The following GPR161 variants were observed in gnomAD, a reference collection of about 807,000 sequenced individuals.
GPR161 encodes the protein G-protein coupled receptor RE2.
A neutral mutation model predicts 39.2 loss-of-function variants in GPR161; 25 were observed. The ratio of observed to expected loss-of-function variants is 0.64; its 90% CI spans 0.47 to 0.89. GPR161 has a LOEUF of 0.89. Among genes scored for constraint, GPR161 ranks in the 40% least tolerant of loss-of-function variants. The pLI, the probability that GPR161 is intolerant of heterozygous loss-of-function variation, is 0.00. For missense variants in GPR161, 547 were observed against 677.8 expected (o/e 0.81, Z 2.14); for synonymous variants, 286 against 276.6 (o/e 1.03, Z -0.34).
At chr1:168,097,381 G>T in intron 2 of GPR161, 149 bp from the exon 3 acceptor site, 1 of 736,410 alleles carries the variant, frequency 1.4e-6, no homozygotes, top group Non-Finnish European at 2.2e-6. Context: ...TATATAGACT[G>T]CATCGTGTTC....
intron 1 of GPR161, among the ~76,000 whole-genome samples, chr1:168,125,554 G>A (rs575266847): frequency 5.9e-5 from 9 of 151,806 alleles, no homozygotes; most frequent in African/African-American, 2.2e-4. Context: ...GACCGTAGGT[G>A]TCAGTGCAGA....
Position 168,096,769 on chromosome 1 carries a change from T to A in GPR161, c.838A>T (p.Met280Leu), listed in dbSNP as rs553618172. ...ITILVVLGAF[M>L]VTWGPYMVVI... is the part of the protein sequence containing the mutation. ...ACCATGTAGGGGCCCCAGGTGACCA[T>A]GAAGGCACCGAGGACCACCAGGATG... The change falls in exon 3 of 6, where the codon ATG (methionine) becomes TTG (leucine). Residue 280 changes from methionine to leucine, a missense_variant. Coordinates refer to ENST00000682931, the MANE Select transcript of GPR161 (RefSeq NM_001375883.1). 1.2e-6 allele frequency: 2 copies of A among 1,613,988 alleles called. No individual in the cohort carries two copies. Among genetic ancestry groups the A allele is most frequent in the African/African-American group, 2.7e-5 (2 of 74,990 alleles).
intron 1 of GPR161, among the ~76,000 whole-genome samples, chr1:168,127,460 G>A (rs1033334728): frequency 3.3e-5 from 5 of 151,856 alleles, no homozygotes; most frequent in South Asian, 2.1e-4. Context: ...CTCCAGATTC[G>A]GTGATGCAGT....
rs1196264658 is a variant in GPR161, at chr1:168,119,213, T to C, written c.-44-14319A>G. On this transcript the variant is annotated intron_variant, in intron 1 of 5. Transcript: ENST00000682931. The stretch of plus-strand genomic sequence containing the variant: ...TCTCCATCATATATATATATATGTA[T>C]ACATATATATATACGTATATATATA... Among the ~76,000 whole-genome samples, 90 of 119,424 alleles carry C rather than the reference T, an allele frequency of 7.5e-4. 4 individuals are homozygous for C. In the South Asian group the frequency reaches 0.019, roughly 25 times the overall value. The allele number at this position is 119,424 out of a possible 152,430, so 78.3% of individuals were successfully genotyped here.
rs1028901513 is a variant in GPR161, at chr1:168,083,369, C to G, written c.*2162G>C. 1 of 152,134 alleles carries G rather than the reference C, an allele frequency of 6.6e-6. No individual in the cohort carries two copies. The highest frequency in any genetic ancestry group is 1.5e-5 in the Non-Finnish European group (1 of 68,080). 9.4% of individuals were successfully genotyped at this position (152,134 alleles called of 1,614,324 possible). On this transcript the variant is annotated 3_prime_UTR_variant, in exon 6 of 6. Coordinates refer to ENST00000682931, the MANE Select transcript of GPR161 (RefSeq NM_001375883.1). ...TGGGGGGCTGTCTCAGGATTCTTTC[C>G]CTAGAGCCCAGTCTAGTACAGTCAG...
Position 168,096,572 on chromosome 1 carries a change from A to G in GPR161, c.1035T>C (p.Tyr345=), listed in dbSNP as rs1695562422. The change falls in exon 3 of 6, where the codon TAT becomes TAC. Residue 345 remains tyrosine (Y), a synonymous_variant. Coordinates refer to ENST00000682931, the MANE Select transcript of GPR161 (RefSeq NM_001375883.1). The stretch of plus-strand genomic sequence containing the variant: ...TCTGTCGTTGCACAAATGGTTCCCG[A>G]TAATACCGGTCCCCAAAGCACATGC... ...LLGMCFGDRY[Y]REPFVQRQRT... is the part of the protein sequence containing the mutation. 1 of 1,614,176 alleles carries G rather than the reference A, an allele frequency of 6.2e-7. No individual in the cohort carries two copies. The highest frequency in any genetic ancestry group is 8.5e-7 in the Non-Finnish European group (1 of 1,180,022).
chr1:168,091,332 G>A (rs1456889287), intron 3 of GPR161, among the ~76,000 whole-genome samples: 2 of 152,200 alleles, frequency 1.3e-5, no homozygotes, highest in African/African-American at 4.8e-5. Flanking sequence ...AGCCGCGGCA[G>A]AAGCGACCCA....
intron 1 of GPR161, among the ~76,000 whole-genome samples, chr1:168,135,518 C>T (rs1699289561): frequency 6.6e-6 from 1 of 152,244 alleles, no homozygotes; most frequent in African/African-American, 2.4e-5. Context: ...GTCCCTCCCA[C>T]CTCCTCTTTC....
chr1:168,104,466 G>T lies in GPR161; in HGVS notation c.374+11C>A. 1 of 1,606,564 alleles carries T rather than the reference G, an allele frequency of 6.2e-7. No homozygotes were observed. Among genetic ancestry groups the T allele is most frequent in the Non-Finnish European group, 8.5e-7 (1 of 1,174,030 alleles). On this transcript the variant is annotated intron_variant, in intron 2 of 5. Transcript: ENST00000682931. ...TAATCCCTCAATTCTCTAAGTCTGA[G>T]GCATGCTTACCGGTCGATGGCAATG...
At chr1:168,135,314 A>T (rs567230505) in intron 1 of GPR161, among the ~76,000 whole-genome samples, 1 of 152,320 alleles carries the variant, frequency 6.6e-6, no homozygotes, top group South Asian at 2.1e-4. Flanking sequence ...CACCTATCAA[A>T]TGGGCTAGTA....
chr1:168,130,882 C>G (rs1698935662), intron 1 of GPR161, among the ~76,000 whole-genome samples: 2 of 152,130 alleles, frequency 1.3e-5, no homozygotes, highest in African/African-American at 2.4e-5. Flanking sequence ...CACCACCCAC[C>G]CAATCTCTCA....
At chr1:168,137,605 C>G (rs555619927), upstream of GPR161, 249 of 602,252 alleles carry the variant, frequency 4.1e-4, 3 homozygotes, top group South Asian at 2.0e-3. Flanking sequence ...GCTGTCAGCT[C>G]GGGGGACGGA....
At position 168,096,857 on chromosome 1, in the gene GPR161, G is replaced by A. The variant is rs1168670673; in HGVS notation, c.750C>T (p.Gly250=). The A allele has an allele frequency of 6.2e-7, 1 of 1,614,142 alleles. No homozygotes were observed. Among genetic ancestry groups the A allele is most frequent in the South Asian group, 1.1e-5 (1 of 91,086 alleles). The part of the protein sequence containing the change: ...KNSSTSTSSS[G]SRRNAFQGVV... The stretch of plus-strand genomic sequence containing the variant: ...CACCCTGAAAGGCATTCCTCCTGCT[G>A]CCTGAAGAGGAGGTGGAGGTGCTGG... The change falls in exon 3 of 6, where the codon GGC becomes GGT. Residue 250 remains glycine (G), a synonymous_variant. Coordinates refer to ENST00000682931, the MANE Select transcript of GPR161 (RefSeq NM_001375883.1).
At chr1:168,092,122 C>T (rs1369123176) in intron 3 of GPR161, among the ~76,000 whole-genome samples, 1 of 152,210 alleles carries the variant, frequency 6.6e-6, no homozygotes, top group East Asian at 1.9e-4. Flanking sequence ...TGCAAGGGGA[C>T]TTCCTCTTGA....
intron 4 of GPR161, 29 bp from the exon 5 acceptor site, chr1:168,087,733 T>C: frequency 2.5e-6 from 4 of 1,586,212 alleles, no homozygotes; most frequent in Non-Finnish European, 3.4e-6. Context: ...TGTGCATATG[T>C]AACTACAATC....
chr1:168,125,081 C>T (rs540434440), intron 1 of GPR161, among the ~76,000 whole-genome samples: 36 of 152,338 alleles, frequency 2.4e-4, no homozygotes, highest in African/African-American at 8.7e-4. Flanking sequence ...TTCTCTGTCT[C>T]CTTTTTATAC....
intron 2 of GPR161, among the ~76,000 whole-genome samples, chr1:168,101,606 C>T (rs1307363509): frequency 6.6e-6 from 1 of 152,130 alleles, no homozygotes; most frequent in African/African-American, 2.4e-5. Flanking sequence ...TGACCTTGGG[C>T]AAGTTACTTA....
intron 5 of GPR161, among the ~76,000 whole-genome samples, chr1:168,086,016 G>A (rs1291021295): frequency 2.0e-5 from 3 of 152,290 alleles, no homozygotes; most frequent in East Asian, 1.9e-4. Context: ...TTCCTCATCT[G>A]TAAAGAGAAG....
At position 168,104,582 on chromosome 1, in the gene GPR161, C is replaced by T. The variant is rs758001918; in HGVS notation, c.269G>A (p.Arg90His). 3.8e-5 allele frequency: 62 copies of T among 1,612,944 alleles called. No homozygotes were observed. The highest frequency in any genetic ancestry group is 4.8e-5 in the Non-Finnish European group (57 of 1,179,078). The change falls in exon 2 of 6, where the codon CGC becomes CAC. Residue 90 changes from arginine (R) to histidine (H), a missense_variant. Coordinates refer to ENST00000682931, the MANE Select transcript of GPR161 (RefSeq NM_001375883.1). ...VLPFVVTSSIRREWIFGVVWC... is the reference protein window; with the variant it reads ...VLPFVVTSSIHREWIFGVVWC... ...CACTACACCAAAGATCCATTCCCTGCGGATGGAGCTCGTCACCACAAAAGG... is the reference window on the plus strand; with the variant it reads ...CACTACACCAAAGATCCATTCCCTGTGGATGGAGCTCGTCACCACAAAAGG...
Sources: allele counts gnomAD v4.1 joint callset (sites outside exome capture counted in the v4.1 genomes callset), GRCh38; gene constraint gnomAD v4.1.1; transcripts MANE v1.5; gene names NCBI Gene and HGNC (gene_info 2026-07-23, HGNC 2026-07-21).